The following NME7 variants were observed in gnomAD, a reference collection of about 807,000 sequenced individuals.
NME7 encodes nucleoside diphosphate kinase 7.
Under a neutral mutation model 49.1 loss-of-function variants are expected in NME7, and 41 were observed. The ratio of observed to expected loss-of-function variants is 0.83; its 90% CI spans 0.65 to 1.08. The LOEUF is 1.08. Among genes scored for constraint, NME7 ranks in the 50% least tolerant of loss-of-function variants. The pLI is 0.00. For missense variants in NME7, 423 were observed against 463.4 expected (o/e 0.91, Z 0.80); for synonymous variants, 139 against 150.6 (o/e 0.92, Z 0.56).
chr1:169,291,837 A>G (rs1294207323), intron 6 of NME7, among the ~76,000 whole-genome samples: 2 of 152,096 alleles, frequency 1.3e-5, no homozygotes, highest in African/African-American at 4.8e-5. Context: ...TGATATATTC[A>G]TAGTTTTTTT....
At chr1:169,321,763 TAA>T (rs1651858546) in intron 3 of NME7, among the ~76,000 whole-genome samples, 1 of 152,192 alleles carries the variant, frequency 6.6e-6, no homozygotes, top group African/African-American at 2.4e-5. Flanking sequence ...CATATTACTA[TAA>T]GAGTGACTCA....
At chr1:169,347,941 G>A (rs1023920144) in intron 1 of NME7, among the ~76,000 whole-genome samples, 4 of 152,128 alleles carry the variant, frequency 2.6e-5, no homozygotes, top group Non-Finnish European at 4.4e-5. Context: ...ACCAAATGCT[G>A]CAGATGCTAA....
chr1:169,230,960 C>A (rs1557998560), intron 9 of NME7, 141 bp from the exon 10 acceptor site: 5 of 479,818 alleles, frequency 1.0e-5, no homozygotes, highest in Non-Finnish European at 1.8e-5. Flanking sequence ...AAGCAGTTCC[C>A]AAATTCTGTC....
chr1:169,268,456 T>C (rs1649387298), intron 7 of NME7, among the ~76,000 whole-genome samples: 1 of 133,778 alleles, frequency 7.5e-6, no homozygotes, highest in African/African-American at 2.5e-5. Context: ...CCCAGAGGAA[T>C]ATAAATCATT....
chr1:169,312,669 G>A (rs1354582577), intron 3 of NME7, among the ~76,000 whole-genome samples: 1 of 152,078 alleles, frequency 6.6e-6, no homozygotes, highest in Non-Finnish European at 1.5e-5. Flanking sequence ...ATACCATCAG[G>A]TTCTGAGCAA....
At chr1:169,353,700 C>A (rs1057074009) in intron 1 of NME7, among the ~76,000 whole-genome samples, 1 of 151,964 alleles carries the variant, frequency 6.6e-6, no homozygotes, top group African/African-American at 2.4e-5. Flanking sequence ...AACAACTCTA[C>A]AGGAAAAAAA....
At chr1:169,203,869 G>GT (rs1200546988) in intron 10 of NME7, among the ~76,000 whole-genome samples, 6 of 151,984 alleles carry the variant, frequency 3.9e-5, no homozygotes, top group African/African-American at 1.4e-4. Context: ...TTCGTGTTTT[G>GT]TTTTTGAGAC....
intron 11 of NME7, among the ~76,000 whole-genome samples, chr1:169,162,279 T>C (rs1486744324): frequency 6.6e-6 from 1 of 152,188 alleles, no homozygotes; most frequent in Non-Finnish European, 1.5e-5. Context: ...ATTTTCTCTG[T>C]GCAGGGGGCA....
intron 11 of NME7, among the ~76,000 whole-genome samples, chr1:169,148,800 C>T (rs1421123827): frequency 6.6e-6 from 1 of 152,112 alleles, no homozygotes; most frequent in Admixed American, 6.5e-5. Flanking sequence ...AACACAATAC[C>T]AGCTGTCTTA....
chr1:169,307,677 T>G (rs1036211747), intron 4 of NME7, among the ~76,000 whole-genome samples: 2 of 152,166 alleles, frequency 1.3e-5, no homozygotes, highest in African/African-American at 4.8e-5. Flanking sequence ...ATAGAGACAC[T>G]AAACTCATGT....
chr1:169,227,080 T>C (rs1224147202), intron 10 of NME7, among the ~76,000 whole-genome samples: 1 of 152,278 alleles, frequency 6.6e-6, no homozygotes, highest in East Asian at 1.9e-4. Context: ...GCCTTGCACA[T>C]ACTATTCACT....
chr1:169,133,580 G>T (rs143424010), intron 11 of NME7, among the ~76,000 whole-genome samples: 1 of 152,322 alleles, frequency 6.6e-6, no homozygotes, highest in African/African-American at 2.4e-5. Context: ...ATTGTGTGAT[G>T]CGAAATTAGT....
At chr1:169,200,564 A>G (rs895418794) in intron 10 of NME7, among the ~76,000 whole-genome samples, 88 of 152,204 alleles carry the variant, frequency 5.8e-4, no homozygotes, top group African/African-American at 2.1e-3. Flanking sequence ...GTCAGACCCC[A>G]TCCACTCCAA....
chr1:169,172,119 T>A (rs1400875296), intron 10 of NME7, among the ~76,000 whole-genome samples: 7 of 152,090 alleles, frequency 4.6e-5, no homozygotes, highest in African/African-American at 1.7e-4. Flanking sequence ...CCCCATGCCC[T>A]TCCTCAGCCT....
chr1:169,301,465 G>A (rs890792725), intron 5 of NME7, among the ~76,000 whole-genome samples: 4 of 152,070 alleles, frequency 2.6e-5, no homozygotes, highest in Non-Finnish European at 5.9e-5. Context: ...GCTTATACAC[G>A]GTTGGTGGGA....
intron 11 of NME7, among the ~76,000 whole-genome samples, chr1:169,152,434 A>G (rs1312724035): frequency 6.6e-6 from 1 of 152,232 alleles, no homozygotes; most frequent in Non-Finnish European, 1.5e-5. Flanking sequence ...AAACCCAGGT[A>G]GTCTGATTCC....
At chr1:169,279,461 C>A (rs928916119) in intron 7 of NME7, among the ~76,000 whole-genome samples, 1 of 152,188 alleles carries the variant, frequency 6.6e-6, no homozygotes, top group Non-Finnish European at 1.5e-5. Flanking sequence ...TAGCAATCAA[C>A]GAGACTCTGT....
At chr1:169,232,925 T>A (rs1482589998) in intron 9 of NME7, among the ~76,000 whole-genome samples, 5 of 141,026 alleles carry the variant, frequency 3.5e-5, no homozygotes, top group African/African-American at 1.0e-4. Flanking sequence ...TTTTTTTTTT[T>A]TTTTTTTTTT....
intron 6 of NME7, among the ~76,000 whole-genome samples, chr1:169,296,223 C>T (rs1650700840): frequency 6.6e-6 from 1 of 152,132 alleles, no homozygotes; most frequent in Admixed American, 6.5e-5. Context: ...AAGTCTACTC[C>T]ACACAGGGTT....
Sources: allele counts gnomAD v4.1 joint callset (sites outside exome capture counted in the v4.1 genomes callset), GRCh38; gene constraint gnomAD v4.1.1; transcripts MANE v1.5; gene names NCBI Gene and HGNC (gene_info 2026-07-23, HGNC 2026-07-21).